RAB38: variants seen among roughly 807,000 people sequenced by gnomAD.
The protein encoded by RAB38 is RAB38, member RAS oncogene family, also known as ras-related protein Rab-38.
RAB38 carries 15 observed loss-of-function variants against 18.4 expected under a neutral mutation model. The observed-to-expected ratio is 0.82, with a 90% CI of 0.55 to 1.26. The LOEUF (loss-of-function observed/expected upper bound fraction) is 1.26, where lower values mean the gene tolerates loss of function less well. RAB38 is among the 50% of genes most tolerant of loss of function. The pLI is 0.00. For synonymous variants in RAB38, 101 were observed against 104.4 expected, an observed-to-expected ratio of 0.97 and a Z score of 0.20; for missense variants, 294 against 267.4, an observed-to-expected ratio of 1.10 and a Z score of -0.69.
At chr11:87,890,276 T>C in the RAB38 span, among the ~76,000 whole-genome samples, 4 of 151,994 alleles carry the variant, frequency 2.6e-5, no homozygotes, top group East Asian at 3.9e-4. Context: ...ATTAAGTATG[T>C]TGCCTAAGAT....
chr11:87,921,802 T>A, the RAB38 span, among the ~76,000 whole-genome samples: 1 of 151,738 alleles, frequency 6.6e-6, no homozygotes, highest in Admixed American at 6.6e-5. Flanking sequence ...TTTTTTTTTC[T>A]CAGATAGCAG....
rs539477374 is a variant in RAB38 at position 88,122,803 on chromosome 11, A to G, written c.484-8663T>C. ...CACAATTTATTTTTATGATAATTAA[A>G]TGCTTTTATTCTGGCACCTCTATGT... On this transcript the variant is annotated intron_variant, in intron 2 of 2. Coordinates refer to ENST00000243662, the MANE Select transcript of RAB38 (RefSeq NM_022337.3). Among the ~76,000 whole-genome samples, 14 of 152,356 alleles carry G rather than the reference A, an allele frequency of 9.2e-5. No homozygotes were observed. The South Asian group carries it at 2.9e-3, about 32-fold the overall frequency.
the RAB38 span, among the ~76,000 whole-genome samples, chr11:88,038,589 T>C: frequency 6.6e-6 from 1 of 152,288 alleles, no homozygotes; most frequent in East Asian, 1.9e-4. Context: ...AACTTACTGG[T>C]TTTCTTATGT....
At chr11:88,040,106 G>A in the RAB38 span, among the ~76,000 whole-genome samples, 1 of 152,226 alleles carries the variant, frequency 6.6e-6, no homozygotes, top group Non-Finnish European at 1.5e-5. Flanking sequence ...AGCCCCAAGA[G>A]AGACACTCTA....
At chr11:87,852,096 C>A in the RAB38 span, among the ~76,000 whole-genome samples, 2 of 144,570 alleles carry the variant, frequency 1.4e-5, no homozygotes, top group Non-Finnish European at 3.0e-5. Context: ...TTAGTAGGGT[C>A]TTTTTGTTCA....
intron 1 of RAB38, among the ~76,000 whole-genome samples, chr11:88,155,185 C>A (rs1943110366): frequency 6.6e-6 from 1 of 152,220 alleles, no homozygotes; most frequent in Non-Finnish European, 1.5e-5. Context: ...GTAGATGAAC[C>A]TACCTGGTCT....
intron 1 of RAB38, among the ~76,000 whole-genome samples, chr11:88,172,673 A>G (rs924821138): frequency 6.6e-6 from 1 of 152,158 alleles, no homozygotes; most frequent in East Asian, 1.9e-4. Flanking sequence ...TGAAAGTACT[A>G]TAAGGTACAC....
chr11:88,121,608 G>A (rs1393768043), intron 2 of RAB38, among the ~76,000 whole-genome samples: 7 of 151,742 alleles, frequency 4.6e-5, no homozygotes, highest in Non-Finnish European at 7.4e-5. Flanking sequence ...TGTCGCCCAG[G>A]CTGGAGTGCA....
At chr11:87,956,577 A>G in the RAB38 span, among the ~76,000 whole-genome samples, 12 of 152,016 alleles carry the variant, frequency 7.9e-5, no homozygotes, top group Non-Finnish European at 1.2e-4. Context: ...TACGTGTCCA[A>G]CCTTGTCCAC....
chr11:88,168,435 G>A (rs1316632842), intron 1 of RAB38, among the ~76,000 whole-genome samples: 1 of 152,024 alleles, frequency 6.6e-6, no homozygotes, highest in African/African-American at 2.4e-5. Context: ...GCTATGGTAA[G>A]TCCCCTGGTT....
At chr11:88,078,714 A>C in the RAB38 span, among the ~76,000 whole-genome samples, 1 of 151,886 alleles carries the variant, frequency 6.6e-6, no homozygotes, top group Admixed American at 6.6e-5. Context: ...TGATCATCAG[A>C]GGTGGGGAAA....
At chr11:87,973,964 T>C in the RAB38 span, among the ~76,000 whole-genome samples, 1 of 151,860 alleles carries the variant, frequency 6.6e-6, no homozygotes, top group African/African-American at 2.4e-5. Context: ...AACCCAAGCC[T>C]GACATGATCA....
At chr11:88,036,169 G>A in the RAB38 span, among the ~76,000 whole-genome samples, 29 of 152,138 alleles carry the variant, frequency 1.9e-4, no homozygotes, top group African/African-American at 6.7e-4. Context: ...GGATCATTTT[G>A]ATATGTACCC....
intron 2 of RAB38, among the ~76,000 whole-genome samples, chr11:88,119,329 T>C (rs1313843717): frequency 1.3e-5 from 2 of 152,158 alleles, no homozygotes; most frequent in Non-Finnish European, 2.9e-5. Context: ...TACCCCTGTA[T>C]CTAAAAGTTG....
chr11:87,879,859 C>G, the RAB38 span: 1 of 151,648 alleles, frequency 6.6e-6, no homozygotes, highest in African/African-American at 2.4e-5. Context: ...GCAATAATAT[C>G]TATAAAGTAC....
chr11:87,830,687 T>A, the RAB38 span, among the ~76,000 whole-genome samples: 1 of 152,286 alleles, frequency 6.6e-6, no homozygotes, highest in South Asian at 2.1e-4. Context: ...TAAAATTTAA[T>A]ATAGGATTGA....
the RAB38 span, among the ~76,000 whole-genome samples, chr11:87,845,324 A>T: frequency 6.6e-6 from 1 of 152,174 alleles, no homozygotes; most frequent in African/African-American, 2.4e-5. Context: ...AATTGTAAAA[A>T]ATAAAACATC....
chr11:88,156,430 G>A (rs1418389228), intron 1 of RAB38, among the ~76,000 whole-genome samples: 3 of 152,328 alleles, frequency 2.0e-5, no homozygotes, highest in Admixed American at 2.0e-4. Flanking sequence ...CCAGCTGGGT[G>A]CAGTGGCTCA....
At chr11:88,040,398 C>G in the RAB38 span, among the ~76,000 whole-genome samples, 1 of 152,138 alleles carries the variant, frequency 6.6e-6, no homozygotes, top group South Asian at 2.1e-4. Flanking sequence ...TGACCTCATT[C>G]TACCTTAATT....
Sources: gnomAD v4.1 joint callset for allele counts (sites outside exome capture counted in the v4.1 genomes callset) on GRCh38, gnomAD v4.1.1 for gene constraint, MANE v1.5 for transcripts, NCBI Gene and HGNC (gene_info 2026-07-23, HGNC 2026-07-21) for gene names.